SLC4A1AP: variants seen among roughly 807,000 people sequenced by gnomAD.
SLC4A1AP encodes the protein kanadaptin.
In SLC4A1AP, 64 loss-of-function variants were observed where a neutral mutation model predicts 89.7. The observed-to-expected ratio is 0.71, with a 90% CI of 0.58 to 0.88. The LOEUF (loss-of-function observed/expected upper bound fraction) is 0.88, where lower values mean the gene tolerates loss of function less well. Ranked by LOEUF, SLC4A1AP falls within the 40% of genes least tolerant of loss-of-function variation. SLC4A1AP has a pLI of 0.00. For missense variants in SLC4A1AP, 931 were observed against 965.0 expected (o/e 0.96, Z 0.47); for synonymous variants, 366 against 353.3 (o/e 1.04, Z -0.40).
At chr2:27,663,987 C>T (rs954782214) in exon 1 of SLC4A1AP, 5 of 1,614,142 alleles carry the variant, frequency 3.1e-6, no homozygotes, top group Admixed American at 1.7e-5. Flanking sequence ...GAAGCCAGCT[C>T]TGCCGGTGTC....
exon 12 of SLC4A1AP, chr2:27,688,761 A>G (rs1039579822): frequency 6.2e-7 from 1 of 1,601,468 alleles, no homozygotes; most frequent in Non-Finnish European, 8.5e-7. Flanking sequence ...CACCTGGTCC[A>G]GGCAAAGTAA....
chr2:27,682,090 G>T (rs1428913500), intron 8 of SLC4A1AP, among the ~76,000 whole-genome samples, 158 bp from the exon 9 acceptor site: 1 of 152,156 alleles, frequency 6.6e-6, no homozygotes. Flanking sequence ...TTCAAAATCT[G>T]TTGGTCTGAA....
At chr2:27,681,654 A>C (rs930478547) in intron 8 of SLC4A1AP, among the ~76,000 whole-genome samples, 4 of 151,838 alleles carry the variant, frequency 2.6e-5, no homozygotes, top group African/African-American at 9.7e-5. Context: ...AATTTCTACT[A>C]TCTCTTCTTT....
rs867179541 is a variant in SLC4A1AP at position 27,665,235 on chromosome 2, T to C, written c.961T>C (p.Ser321Pro). The change falls in exon 2 of 14, where the codon TCT becomes CCT. Residue 321 changes from serine to proline, a missense_variant. By Grantham distance (74) the Ser-to-Pro change is moderately conservative. Coordinates refer to ENST00000613058, the Ensembl canonical transcript of SLC4A1AP. Reference sequence around the variant, plus strand: ...AGATGAAGAAGAGGAAATGGATACCTCTGAAAGGAAGATAAATGCTGGTAG... The same window carrying C: ...AGATGAAGAAGAGGAAATGGATACCCCTGAAAGGAAGATAAATGCTGGTAG... 16 of 1,613,104 alleles carry C rather than the reference T, an allele frequency of 9.9e-6. No individual in the cohort carries two copies. Among genetic ancestry groups the C allele is most frequent in the Middle Eastern group, 1.6e-4 (1 of 6,078 alleles).
At chr2:27,688,962 A>T (rs1558510509) in intron 12 of SLC4A1AP, among the ~76,000 whole-genome samples, 195 bp downstream of exon 12, 1 of 152,180 alleles carries the variant, frequency 6.6e-6, no homozygotes, top group Non-Finnish European at 1.5e-5. Flanking sequence ...AACTGCTCAC[A>T]TACAAGCTAT....
Position 27,669,241 on chromosome 2 carries a change from A to C in SLC4A1AP, c.1206-7A>C, listed in dbSNP as rs1675382105. The C allele has an allele frequency of 1.2e-6, 2 of 1,600,438 alleles. No individual in the cohort carries two copies. Among genetic ancestry groups the C allele is most frequent in the Non-Finnish European group, 8.5e-7 (1 of 1,176,478 alleles). Reference sequence around the variant, plus strand: ...GCTGTGCTATAATTCCCACCAAATCAATGAAGATTACCTGTGGACGATTCA... The same window carrying C: ...GCTGTGCTATAATTCCCACCAAATCCATGAAGATTACCTGTGGACGATTCA... On this transcript the variant is annotated splice_region_variant and splice_polypyrimidine_tract_variant and intron_variant, in intron 4 of 13. Transcript: ENST00000613058.
intron 8 of SLC4A1AP, among the ~76,000 whole-genome samples, chr2:27,681,358 A>G (rs997932820): frequency 1.3e-5 from 2 of 152,186 alleles, no homozygotes; most frequent in Non-Finnish European, 2.9e-5. Context: ...AGGTAAAAGA[A>G]GGCAGTAGTA....
chr2:27,666,836 A>G (rs1055557247), intron 2 of SLC4A1AP, among the ~76,000 whole-genome samples: 1 of 147,838 alleles, frequency 6.8e-6, no homozygotes, highest in African/African-American at 2.5e-5. Flanking sequence ...AGTATTTATT[A>G]TTTTTCATCA....
exon 1 of SLC4A1AP, chr2:27,663,990 C>T: frequency 6.2e-7 from 1 of 1,614,222 alleles, no homozygotes; most frequent in South Asian, 1.1e-5. Context: ...GCCAGCTCTG[C>T]CGGTGTCCCC....
At chr2:27,670,111 C>G (rs1407191522) in intron 5 of SLC4A1AP, among the ~76,000 whole-genome samples, 1 of 152,180 alleles carries the variant, frequency 6.6e-6, no homozygotes, top group Non-Finnish European at 1.5e-5. Flanking sequence ...GATCCACCTG[C>G]CTCGGCCTCC....
At chr2:27,691,132 A>G (rs954371989) in intron 12 of SLC4A1AP, among the ~76,000 whole-genome samples, 2 of 152,058 alleles carry the variant, frequency 1.3e-5, no homozygotes, top group Non-Finnish European at 2.9e-5. Context: ...TCTTCCTTGA[A>G]TGTCTGGTAG....
intron 3 of SLC4A1AP, chr2:27,668,612 G>A: frequency 1.5e-6 from 1 of 667,932 alleles, no homozygotes; most frequent in South Asian, 1.5e-5. Context: ...ATCATGCCCG[G>A]CTAATTTCTG....
chr2:27,677,383 A>G lies in SLC4A1AP; in HGVS notation c.1576+19A>G, dbSNP rs1428500887. On this transcript the variant is annotated intron_variant, in intron 7 of 13. Transcript: ENST00000613058. The stretch of plus-strand genomic sequence containing the variant: ...AGCCAAGGTAAGTTTTTCATCAAAT[A>G]TTTATTAATATACCACATATAGTGC... The G allele has an allele frequency of 6.6e-7, 1 of 1,521,418 alleles. No homozygotes were observed. The highest frequency in any genetic ancestry group is 2.3e-5 in the East Asian group (1 of 44,430). The allele number at this position is 1,521,418 out of a possible 1,614,324, so 94.2% of individuals were successfully genotyped here.
At chr2:27,667,982 AACAT>A (rs1244033224) in intron 3 of SLC4A1AP, among the ~76,000 whole-genome samples, 1 of 152,168 alleles carries the variant, frequency 6.6e-6, no homozygotes, top group Non-Finnish European at 1.5e-5. Flanking sequence ...ATAAAAGTGA[AACAT>A]ACTATACAGT....
At position 27,691,274 on chromosome 2, in the gene SLC4A1AP, G is replaced by A. The variant is rs917130621; in HGVS notation, c.2272-2411G>A. Among the ~76,000 whole-genome samples, 5 of 151,970 alleles carry A rather than the reference G, an allele frequency of 3.3e-5. No individual in the cohort carries two copies. In the South Asian group the frequency reaches 8.3e-4, roughly 25 times the overall value. On this transcript the variant is annotated intron_variant, in intron 12 of 13. Coordinates refer to ENST00000613058, the Ensembl canonical transcript of SLC4A1AP. ...TGTTTCTTCCTGATTCAGTCTAGGA[G>A]GGTTGTGTGTTTCCAGGAATTTATC... is the stretch of plus-strand genomic sequence containing the variant.
intron 3 of SLC4A1AP, 21 bp downstream of exon 3, chr2:27,667,411 C>T (rs1352524108): frequency 6.2e-7 from 1 of 1,603,942 alleles, no homozygotes; most frequent in East Asian, 2.2e-5. Flanking sequence ...AGATTCTGAC[C>T]CTACCACTAA....
chr2:27,685,208 C>G (rs1157697599), exon 10 of SLC4A1AP: 1 of 1,614,108 alleles, frequency 6.2e-7, no homozygotes, highest in Middle Eastern at 1.6e-4. Context: ...AGAGATAGAG[C>G]CAGAAGCAGC....
intron 5 of SLC4A1AP, among the ~76,000 whole-genome samples, chr2:27,674,505 C>G (rs996087438): frequency 2.0e-5 from 3 of 151,988 alleles, no homozygotes; most frequent in African/African-American, 7.3e-5. Flanking sequence ...AATGTACATT[C>G]CCACCAATTA....
intron 9 of SLC4A1AP, among the ~76,000 whole-genome samples, chr2:27,684,192 C>T (rs1321857640): frequency 3.3e-5 from 5 of 151,952 alleles, no homozygotes; most frequent in African/African-American, 4.8e-5. Flanking sequence ...TTTGGGAGGC[C>T]GAGGTGGGTG....
Sources: allele counts gnomAD v4.1 joint callset (sites outside exome capture counted in the v4.1 genomes callset), GRCh38; gene constraint gnomAD v4.1.1; transcripts MANE v1.5; gene names NCBI Gene and HGNC (gene_info 2026-07-23, HGNC 2026-07-21).